Variants in ZZZ3 observed in about 807,000 individuals in gnomAD.
The protein encoded by ZZZ3 is zinc finger ZZ-type containing 3.
In ZZZ3, 22 loss-of-function variants were observed where a neutral mutation model predicts 95.2. The observed-to-expected ratio is 0.23, with a 90% CI of 0.17 to 0.33. The LOEUF (loss-of-function observed/expected upper bound fraction) is 0.33, where lower values mean the gene tolerates loss of function less well. Ranked by LOEUF, ZZZ3 falls within the 10% of genes least tolerant of loss-of-function variation. The pLI, the probability that ZZZ3 is intolerant of heterozygous loss-of-function variation, is 1.00. For synonymous variants in ZZZ3, 335 were observed against 358.9 expected (o/e 0.93, Z 0.75); for missense variants, 885 against 1,066.5 (o/e 0.83, Z 2.37).
chr1:77,625,026 C>A (rs1432784696), intron 5 of ZZZ3, among the ~76,000 whole-genome samples: 3 of 152,092 alleles, frequency 2.0e-5, no homozygotes, highest in Non-Finnish European at 4.4e-5. Flanking sequence ...TCCTATAGAT[C>A]TGGTGTCAGA....
rs913665663 is a variant in ZZZ3 at position 77,563,760 on chromosome 1, T to A, written c.*1880A>T. Reference sequence around the variant, plus strand: ...ACATTTAATATAAAAACGCCCAGAATGCTAATGATTCCCCTCTTCACCCAC... The same window carrying A: ...ACATTTAATATAAAAACGCCCAGAAAGCTAATGATTCCCCTCTTCACCCAC... On this transcript the variant is annotated 3_prime_UTR_variant, in exon 15 of 15. Transcript: ENST00000370801. The A allele has an allele frequency of 2.3e-4, 35 of 152,320 alleles. No individual in the cohort carries two copies. The highest frequency in any genetic ancestry group is 8.2e-4 in the African/African-American group (34 of 41,584). The allele number at this position is 152,320 out of a possible 1,614,324, so 9.4% of individuals were successfully genotyped here.
intron 1 of ZZZ3, among the ~76,000 whole-genome samples, chr1:77,642,628 G>GTA (rs1214783660): frequency 1.3e-5 from 2 of 151,862 alleles, no homozygotes; most frequent in Admixed American, 1.3e-4. Context: ...GTGGTTGTGT[G>GTA]TGTCTGTAGT....
rs529661791 is a variant in ZZZ3 at position 77,672,465 on chromosome 1, A to G, written c.-403+10120T>C. Among the ~76,000 whole-genome samples, 6 of 152,272 alleles carry G rather than the reference A, an allele frequency of 3.9e-5. No individual in the cohort carries two copies. The South Asian group carries it at 1.2e-3, about 32-fold the overall frequency. ...TTCTCTCATCTAGGATATGTAACAG[A>G]ATCACTTGTAGGGTTTTTGTCTGTT... is the stretch of plus-strand genomic sequence containing the variant. On this transcript the variant is annotated intron_variant, in intron 1 of 14. Transcript: ENST00000370801.
intron 1 of ZZZ3, among the ~76,000 whole-genome samples, chr1:77,665,687 T>C (rs1403705862): frequency 6.6e-6 from 1 of 152,220 alleles, no homozygotes; most frequent in African/African-American, 2.4e-5. Flanking sequence ...AAATTTAAAA[T>C]TTTTATATTT....
At chr1:77,682,734 G>A (rs897286148), upstream of ZZZ3, 1 of 152,174 alleles carries the variant, frequency 6.6e-6, no homozygotes, top group African/African-American at 2.4e-5. Flanking sequence ...GACCCAACAT[G>A]GCGGTACAGA....
In ZZZ3 at chr1:77,576,097, G is replaced by A. The variant is rs773580910; in HGVS notation, c.2302C>T (p.His768Tyr). The A allele has an allele frequency of 1.2e-6, 2 of 1,611,066 alleles. No homozygotes were observed. Among genetic ancestry groups the A allele is most frequent in the South Asian group, 1.1e-5 (1 of 90,318 alleles). The stretch of plus-strand genomic sequence containing the variant: ...GCATCTTCAACAGCAGTGTTCATGT[G>A]GCTATGAAAACAAGATCGGTCATCA... ...EDDDRSCFHSHMNTAVEDASD... is the reference protein window; with the variant it reads ...EDDDRSCFHSYMNTAVEDASD... The change falls in exon 12 of 15, where the codon CAC (histidine) becomes TAC (tyrosine). Residue 768 changes from histidine (H) to tyrosine (Y), a missense_variant. Around this residue, in one of 5 missense-constraint regions of ZZZ3, gnomAD observed 221 missense variants for 247.8 expected, o/e 0.89. Transcript: ENST00000370801.
rs1389051741 is a variant in ZZZ3 at position 77,632,575 on chromosome 1, A to G, written c.780T>C (p.Ser260=). ...TGCAAGGCACCTTATGGTCTATATA[A>G]CTGTCCTCCTTCCTACTATCAAGGA... The part of the protein sequence containing the change: ...SMFLDSRKED[S]YIDHKVPCTD... Residue 260 remains serine, a synonymous_variant, in exon 5 of 15, where the codon AGT becomes AGC. Transcript: ENST00000370801. The G allele has an allele frequency of 3.1e-6, 5 of 1,614,122 alleles. No homozygotes were observed. The highest frequency in any genetic ancestry group is 4.2e-6 in the Non-Finnish European group (5 of 1,180,008).
intron 11 of ZZZ3, among the ~76,000 whole-genome samples, chr1:77,576,982 G>A (rs1300234988): frequency 1.3e-5 from 2 of 152,136 alleles, no homozygotes; most frequent in African/African-American, 4.8e-5. Context: ...TGAGGACAGG[G>A]AGGTTAAGTT....
At chr1:77,616,430 A>G (rs933887101) in intron 5 of ZZZ3, among the ~76,000 whole-genome samples, 1 of 152,210 alleles carries the variant, frequency 6.6e-6, no homozygotes. Flanking sequence ...TGTAACCTAT[A>G]TACTTCAAGA....
intron 4 of ZZZ3, among the ~76,000 whole-genome samples, chr1:77,634,460 C>T (rs1239974152): frequency 6.6e-6 from 1 of 152,090 alleles, no homozygotes; most frequent in Non-Finnish European, 1.5e-5. Flanking sequence ...CAAAACAAAG[C>T]AAACCCAAGC....
At chr1:77,603,211 TG>T (rs1316646076) in intron 5 of ZZZ3, among the ~76,000 whole-genome samples, 1 of 152,054 alleles carries the variant, frequency 6.6e-6, no homozygotes, top group Non-Finnish European at 1.5e-5. Context: ...CCCAAGTAGC[TG>T]GGACTACAGG....
chr1:77,653,730 G>A (rs1314491561), intron 1 of ZZZ3, among the ~76,000 whole-genome samples: 1 of 151,972 alleles, frequency 6.6e-6, no homozygotes, highest in East Asian at 1.9e-4. Context: ...TCCAGCCTGG[G>A]GAACAAGATT....
chr1:77,653,106 G>C (rs1669955196), intron 1 of ZZZ3, among the ~76,000 whole-genome samples: 1 of 152,180 alleles, frequency 6.6e-6, no homozygotes. Flanking sequence ...AGGACTGCTT[G>C]AGCCTGGGAG....
chr1:77,569,488 A>C (rs538069072), intron 12 of ZZZ3, among the ~76,000 whole-genome samples: 9 of 152,234 alleles, frequency 5.9e-5, no homozygotes, highest in Non-Finnish European at 1.0e-4. Context: ...CTTTCTACTC[A>C]AAGTATTAAC....
At chr1:77,681,708 A>G (rs577416241) in intron 1 of ZZZ3, among the ~76,000 whole-genome samples, 1 of 152,260 alleles carries the variant, frequency 6.6e-6, no homozygotes. Context: ...CCTGGCCAAC[A>G]TGGTGAAACC....
intron 5 of ZZZ3, among the ~76,000 whole-genome samples, chr1:77,611,958 G>A (rs1665856091): frequency 6.6e-6 from 1 of 151,762 alleles, no homozygotes; most frequent in East Asian, 1.9e-4. Flanking sequence ...TAGCTACAAA[G>A]GTAAAAATAA....
At chr1:77,645,012 C>T (rs1669128071) in intron 1 of ZZZ3, among the ~76,000 whole-genome samples, 1 of 151,954 alleles carries the variant, frequency 6.6e-6, no homozygotes, top group African/African-American at 2.4e-5. Context: ...CACTTTGAGG[C>T]CAGGAGTTCG....
At chr1:77,607,057 A>C (rs969782127) in intron 5 of ZZZ3, among the ~76,000 whole-genome samples, 2 of 152,212 alleles carry the variant, frequency 1.3e-5, no homozygotes, top group Non-Finnish European at 2.9e-5. Context: ...GAGAATTCAA[A>C]ATAGCTGTGT....
intron 5 of ZZZ3, among the ~76,000 whole-genome samples, chr1:77,618,494 T>G (rs984458602): frequency 6.6e-6 from 1 of 152,018 alleles, no homozygotes; most frequent in African/African-American, 2.4e-5. Context: ...ATTAATAAAA[T>G]AAGAAAAACT....
Sources: gnomAD v4.1 joint callset for allele counts (sites outside exome capture counted in the v4.1 genomes callset) on GRCh38, gnomAD v4.1.1 for gene constraint, gnomAD v4.1.1 regional missense constraint, MANE v1.5 for transcripts, NCBI Gene and HGNC (gene_info 2026-07-23, HGNC 2026-07-21) for gene names.